The following QTRT2 variants were observed in gnomAD, a reference collection of about 807,000 sequenced individuals.
QTRT2 encodes queuine tRNA-ribosyltransferase accessory subunit 2, also known as queuine tRNA-ribosyltransferase domain containing 1.
In QTRT2, 32 loss-of-function variants were observed where a neutral mutation model predicts 44.8. The observed-to-expected ratio is 0.71, with a 90% confidence interval of 0.54 to 0.96. The LOEUF is 0.96. Among genes scored for constraint, QTRT2 ranks in the 40% least tolerant of loss-of-function variants. The pLI, the probability that QTRT2 is intolerant of heterozygous loss-of-function variation, is 0.00. For synonymous variants in QTRT2, 182 were observed against 187.4 expected (o/e 0.97, Z 0.24); for missense variants, 461 against 503.1 (o/e 0.92, Z 0.80).
chr3:114,057,923 A>G (rs901164215), intron 2 of QTRT2, among the ~76,000 whole-genome samples: 24 of 152,248 alleles, frequency 1.6e-4, no homozygotes, highest in Admixed American at 6.5e-4. Context: ...ATGGAAACTA[A>G]GATTATAATG....
intron 5 of QTRT2, among the ~76,000 whole-genome samples, chr3:114,070,321 CAA>C (rs1304886772): frequency 6.6e-6 from 1 of 151,726 alleles, no homozygotes; most frequent in Non-Finnish European, 1.5e-5. Flanking sequence ...ACAGTGTGAT[CAA>C]AGTCTGTGGT....
chr3:114,068,112 C>G (rs772260159), intron 5 of QTRT2, 49 bp downstream of exon 5: 1 of 1,477,710 alleles, frequency 6.8e-7, no homozygotes. Flanking sequence ...CCCAGGAAGT[C>G]AGCCTATGGT....
intron 2 of QTRT2, 77 bp from the exon 3 acceptor site, chr3:114,065,160 A>ATTT: frequency 2.3e-5 from 18 of 786,526 alleles, no homozygotes; most frequent in Non-Finnish European, 2.6e-5. Context: ...TTTCCTGAAG[A>ATTT]TTTTTTTTTT....
At chr3:114,066,446 G>C (rs2076955245) in intron 4 of QTRT2, 163 bp downstream of exon 4, 2 of 568,680 alleles carry the variant, frequency 3.5e-6, no homozygotes, top group African/African-American at 1.9e-5. Flanking sequence ...AGATTGAATA[G>C]GAAACAGTTG....
rs2077147039 is a variant in QTRT2 at position 114,080,020 on chromosome 3, T to TGG, written c.861_862insGG (p.Phe288GlyfsTer24). ...TAACAGAGCGGGGATGTGCCCTGACTTTCAGTTTTGATTACCAGCCGAATC... is the reference window on the plus strand; with the variant it reads ...TAACAGAGCGGGGATGTGCCCTGACTGGTTCAGTTTTGATTACCAGCCGAATC... On this transcript the variant is annotated frameshift_variant, in exon 8 of 10. Coordinates refer to ENST00000281273, the MANE Select transcript of QTRT2 (RefSeq NM_024638.4). LOFTEE classifies it high-confidence loss of function. 29 of 1,612,142 alleles carry TGG rather than the reference T, an allele frequency of 1.8e-5. No homozygotes were observed. The highest frequency in any genetic ancestry group is 2.4e-5 in the Non-Finnish European group (28 of 1,179,194).
At chr3:114,081,597 T>C (rs890820470) in intron 8 of QTRT2, among the ~76,000 whole-genome samples, 1 of 152,048 alleles carries the variant, frequency 6.6e-6, no homozygotes, top group Non-Finnish European at 1.5e-5. Context: ...GCCACCATGC[T>C]GGGCTAATTT....
intron 8 of QTRT2, among the ~76,000 whole-genome samples, 198 bp downstream of exon 8, chr3:114,080,255 T>A (rs1219369394): frequency 6.6e-6 from 1 of 152,164 alleles, no homozygotes; most frequent in Non-Finnish European, 1.5e-5. Context: ...CTCATCAATA[T>A]TAGGATGTGA....
At chr3:114,074,424 G>C (rs1016742163) in intron 6 of QTRT2, among the ~76,000 whole-genome samples, 1 of 152,146 alleles carries the variant, frequency 6.6e-6, no homozygotes, top group African/African-American at 2.4e-5. Flanking sequence ...AAGTTATGTT[G>C]ATCCTACTTC....
At chr3:114,061,698 T>C (rs1014752328) in intron 2 of QTRT2, among the ~76,000 whole-genome samples, 10 of 152,054 alleles carry the variant, frequency 6.6e-5, no homozygotes, top group African/African-American at 2.4e-4. Flanking sequence ...CTACCTCAGA[T>C]TCCCAAGTAG....
At chr3:114,075,101 A>G (rs1020299537) in intron 6 of QTRT2, among the ~76,000 whole-genome samples, 1 of 152,232 alleles carries the variant, frequency 6.6e-6, no homozygotes, top group African/African-American at 2.4e-5. Flanking sequence ...CATTTCAATA[A>G]GTGCTGTCCA....
In QTRT2 at chr3:114,057,094, C is replaced by T; in HGVS notation, c.-34C>T. 5.2e-6 allele frequency: 7 copies of T among 1,357,146 alleles called. No individual in the cohort carries two copies. The highest frequency in any genetic ancestry group is 6.6e-6 in the Non-Finnish European group (7 of 1,057,152). The allele number at this position is 1,357,146 out of a possible 1,614,324, so 84.1% of individuals were successfully genotyped here. A position where few individuals can be genotyped will look rare whatever the true frequency, so the allele number is the denominator to read the frequency against. On this transcript the variant is annotated 5_prime_UTR_variant, in exon 2 of 10. Coordinates refer to ENST00000281273, the MANE Select transcript of QTRT2 (RefSeq NM_024638.4). The stretch of plus-strand genomic sequence containing the variant: ...AGATAAAAGGGCCCCTTTCGACTAG[C>T]CTCTGCTGAAAGGTAGAGTTTTCAG...
At chr3:114,060,231 T>C (rs2076862968) in intron 2 of QTRT2, among the ~76,000 whole-genome samples, 2 of 152,316 alleles carry the variant, frequency 1.3e-5, no homozygotes, top group South Asian at 2.1e-4. Flanking sequence ...ACTTCTAGAA[T>C]ATGTTCATTC....
intron 2 of QTRT2, among the ~76,000 whole-genome samples, chr3:114,062,368 C>CAAAAAAAAAAAAAA (rs143192501): frequency 2.3e-5 from 2 of 86,148 alleles, no homozygotes; most frequent in Non-Finnish European, 4.5e-5. Flanking sequence ...GACCTTGTCT[C>CAAAAAAAAAAAAAA]AAAAAAAAAA....
chr3:114,065,191 A>G (rs1228336992), intron 2 of QTRT2, 46 bp from the exon 3 acceptor site: 1 of 1,309,168 alleles, frequency 7.6e-7, no homozygotes, highest in East Asian at 2.3e-5. Context: ...CTTGGCCTCT[A>G]GGTGTTGTGA....
At chr3:114,085,602 A>G in intron 9 of QTRT2, 71 bp from the exon 10 acceptor site, 1 of 1,277,660 alleles carries the variant, frequency 7.8e-7, no homozygotes, top group South Asian at 1.2e-5. Context: ...TTACCAGCAG[A>G]ATAGATAGCT....
chr3:114,056,975 T>C, intron 1 of QTRT2, 24 bp from the exon 2 acceptor site: 1 of 1,468,384 alleles, frequency 6.8e-7, no homozygotes, highest in Non-Finnish European at 9.0e-7. Flanking sequence ...ACTCCCGCCA[T>C]GTCTCCTCTG....
chr3:114,060,396 C>T (rs1051462976), intron 2 of QTRT2, among the ~76,000 whole-genome samples: 2 of 152,040 alleles, frequency 1.3e-5, no homozygotes, highest in East Asian at 1.9e-4. Context: ...TGGTCATCTT[C>T]GCTTATCTGT....
intron 1 of QTRT2, 62 bp from the exon 2 acceptor site, chr3:114,056,937 C>T (rs1245683265): frequency 6.6e-7 from 1 of 1,514,092 alleles, no homozygotes; most frequent in East Asian, 2.5e-5. Context: ...CAGACGCTTC[C>T]TGGTTGTGTT....
intron 2 of QTRT2, among the ~76,000 whole-genome samples, chr3:114,064,213 TC>T (rs2076923718): frequency 6.6e-6 from 1 of 151,472 alleles, no homozygotes; most frequent in Non-Finnish European, 1.5e-5. Flanking sequence ...AGATTCTGTG[TC>T]CAAAAAAAAA....
Sources: allele counts gnomAD v4.1 joint callset (sites outside exome capture counted in the v4.1 genomes callset), GRCh38; gene constraint gnomAD v4.1.1; transcripts MANE v1.5; gene names NCBI Gene and HGNC (gene_info 2026-07-23, HGNC 2026-07-21).